The following CDS2 variants were observed in gnomAD, a reference collection of about 807,000 sequenced individuals.
CDS2 encodes phosphatidate cytidylyltransferase 2.
Under a neutral mutation model 59.0 loss-of-function variants are expected in CDS2, and 47 were observed. The ratio of observed to expected loss-of-function variants is 0.80; its 90% CI spans 0.63 to 1.02. CDS2 has a LOEUF of 1.02. CDS2 is among the 50% of genes least tolerant of loss of function. The probability of loss-of-function intolerance (pLI) is 0.00; values close to 1 mark genes in which losing one functional copy is unlikely to be tolerated. For missense variants in CDS2, 356 were observed against 558.9 expected, an observed-to-expected ratio of 0.64 and a Z score of 3.66; for synonymous variants, 207 against 206.4, an observed-to-expected ratio of 1.00 and a Z score of -0.02.
At position 5,135,178 on chromosome 20, in the gene CDS2, C is replaced by T. The variant is rs568226732; in HGVS notation, c.57+8029C>T. ...AACTCCTGGGTTCAAGCGATCTTCT[C>T]GCCTCGGCCTCTCAAAGGGCTGGTA... On this transcript the variant is annotated intron_variant, in intron 1 of 12. Coordinates refer to ENST00000460006, the MANE Select transcript of CDS2 (RefSeq NM_003818.4). 2.8e-4 allele frequency among the ~76,000 whole-genome samples: 42 copies of T among 152,196 alleles called. No individual in the cohort carries two copies. The East Asian group carries it at 3.9e-3, about 14-fold the overall frequency.
chr20:5,161,821 C>G (rs1292857845), intron 1 of CDS2, among the ~76,000 whole-genome samples: 1 of 152,108 alleles, frequency 6.6e-6, no homozygotes, highest in Non-Finnish European at 1.5e-5. Flanking sequence ...TCTTTTTTGT[C>G]TCCTTACTGT....
chr20:5,140,790 G>A (rs1258482610), intron 1 of CDS2, among the ~76,000 whole-genome samples: 1 of 152,186 alleles, frequency 6.6e-6, no homozygotes, highest in East Asian at 1.9e-4. Context: ...CAAATACTAT[G>A]TACCTCCTGA....
chr20:5,130,698 G>A (rs1031951250), intron 1 of CDS2, among the ~76,000 whole-genome samples: 61 of 151,450 alleles, frequency 4.0e-4, no homozygotes, highest in African/African-American at 1.3e-3. Flanking sequence ...CAGGAGAATC[G>A]CTTGAACTTG....
At chr20:5,175,860 A>G (rs556009956) in intron 3 of CDS2, among the ~76,000 whole-genome samples, 2 of 152,186 alleles carry the variant, frequency 1.3e-5, no homozygotes, top group Non-Finnish European at 2.9e-5. Context: ...GCATGTCTCT[A>G]TATGACTCCT....
chr20:5,193,426 C>T lies in CDS2; in HGVS notation c.*3192C>T, dbSNP rs2091133506. On this transcript the variant is annotated 3_prime_UTR_variant, in exon 13 of 13. Transcript: ENST00000460006. ...GACTTTACACAGGTGGACTTTGAAT[C>T]CATTTTTATAGAATTTTTTTCCACT... The T allele has an allele frequency of 6.6e-6, 1 of 152,188 alleles. No individual in the cohort carries two copies. Among genetic ancestry groups the T allele is most frequent in the Non-Finnish European group, 1.5e-5 (1 of 68,014 alleles). The allele number at this position is 152,188 out of a possible 1,614,324, so 9.4% of individuals were successfully genotyped here.
In CDS2 at chr20:5,197,790, G is replaced by T. The variant is rs1236775143; in HGVS notation, c.*7556G>T. On this transcript the variant is annotated 3_prime_UTR_variant, in exon 13 of 13. Coordinates refer to ENST00000460006, the MANE Select transcript of CDS2 (RefSeq NM_003818.4). ...CAATACATGTAGGTTCTTTTTCCAC[G>T]CAATGTAAGAACATGATATACTGTA... 6.6e-6 allele frequency: 1 copy of T among 152,070 alleles called. No individual in the cohort carries two copies. Among genetic ancestry groups the T allele is most frequent in the Non-Finnish European group, 1.5e-5 (1 of 68,022 alleles). 9.4% of individuals were successfully genotyped at this position (152,070 alleles called of 1,614,324 possible).
At chr20:5,168,468 T>C (rs1600498711) in intron 1 of CDS2, 3 of 309,592 alleles carry the variant, frequency 9.7e-6, no homozygotes, top group Non-Finnish European at 1.9e-5. Context: ...GGGTATAGGG[T>C]AGGATAGGTT....
At chr20:5,131,936 T>C (rs1187001967) in intron 1 of CDS2, among the ~76,000 whole-genome samples, 2 of 152,204 alleles carry the variant, frequency 1.3e-5, no homozygotes, top group Non-Finnish European at 2.9e-5. Flanking sequence ...TTAAAATAGA[T>C]TTTTATAGAA....
chr20:5,127,382 C>T (rs2090563026), intron 1 of CDS2, among the ~76,000 whole-genome samples: 1 of 152,036 alleles, frequency 6.6e-6, no homozygotes. Flanking sequence ...TCCCCCGGGG[C>T]GCAGGAAGGA....
intron 1 of CDS2, among the ~76,000 whole-genome samples, chr20:5,127,522 G>C (rs1222094230): frequency 1.3e-5 from 2 of 152,222 alleles, no homozygotes; most frequent in African/African-American, 4.8e-5. Flanking sequence ...CGGCTCCTCT[G>C]AGCGCAACTT....
chr20:5,134,025 A>T (rs2090628844), intron 1 of CDS2, among the ~76,000 whole-genome samples: 1 of 152,238 alleles, frequency 6.6e-6, no homozygotes, highest in Non-Finnish European at 1.5e-5. Flanking sequence ...GTCTCAGAGT[A>T]AATGTGGAGA....
rs2091143630 is a variant in CDS2 at position 5,194,678 on chromosome 20, G to C, written c.*4444G>C. The C allele has an allele frequency of 6.6e-6, 1 of 152,100 alleles. No homozygotes were observed. Among genetic ancestry groups the C allele is most frequent in the Admixed American group, 6.5e-5 (1 of 15,268 alleles). The allele number at this position is 152,100 out of a possible 1,614,324, so 9.4% of individuals were successfully genotyped here. On this transcript the variant is annotated 3_prime_UTR_variant, in exon 13 of 13. Coordinates refer to ENST00000460006, the MANE Select transcript of CDS2 (RefSeq NM_003818.4). ...ATGCGGATGATTTATGAGAATAGAG[G>C]GGCAGAGTTTGTGAAGTCTAGGGTT...
Position 5,184,819 on chromosome 20 carries a change from A to G in CDS2, c.672-39A>G. ...TTTTGTGTACTTTTGAGGTACTGTC[A>G]CCTTGCTTGAGTTGATCCTTACTTT... On this transcript the variant is annotated intron_variant, in intron 7 of 12. Transcript: ENST00000460006. This position sits in a 1 kb window ranked among gnomAD's most constrained non-coding sequence, Gnocchi z 4.3. 6.8e-7 allele frequency: 1 copy of G among 1,461,412 alleles called. No individual in the cohort carries two copies. Among genetic ancestry groups the G allele is most frequent in the East Asian group, 2.3e-5 (1 of 44,158 alleles). The allele number at this position is 1,461,412 out of a possible 1,614,324, so 90.5% of individuals were successfully genotyped here.
intron 1 of CDS2, among the ~76,000 whole-genome samples, chr20:5,172,385 C>T (rs1180471103): frequency 2.6e-5 from 4 of 152,116 alleles, no homozygotes; most frequent in African/African-American, 9.7e-5. Flanking sequence ...AAATCTGGAG[C>T]ACATAAACCA....
At chr20:5,136,840 C>T (rs568569254) in intron 1 of CDS2, among the ~76,000 whole-genome samples, 16 of 152,218 alleles carry the variant, frequency 1.1e-4, no homozygotes, top group South Asian at 4.1e-4. Context: ...GTTTGGTACA[C>T]GGGCAAATTG....
chr20:5,195,131 G>T lies in CDS2; in HGVS notation c.*4897G>T, dbSNP rs1450635193. 6.6e-6 allele frequency: 1 copy of T among 152,186 alleles called. No individual in the cohort carries two copies. Among genetic ancestry groups the T allele is most frequent in the African/African-American group, 2.4e-5 (1 of 41,416 alleles). The allele number at this position is 152,186 out of a possible 1,614,324, so 9.4% of individuals were successfully genotyped here. ...ATAGTACCTTCTTCCTGGGGTGGTT[G>T]TGAGGATATAACGAGGTAATGCATG... On this transcript the variant is annotated 3_prime_UTR_variant, in exon 13 of 13. Coordinates refer to ENST00000460006, the MANE Select transcript of CDS2 (RefSeq NM_003818.4).
chr20:5,184,653 T>C lies in CDS2; in HGVS notation c.672-205T>C, dbSNP rs1412616069. Among the ~76,000 whole-genome samples the C allele has an allele frequency of 6.6e-6, 1 of 152,230 alleles. No individual in the cohort carries two copies. The highest frequency in any genetic ancestry group is 1.5e-5 in the Non-Finnish European group (1 of 68,044). On this transcript the variant is annotated intron_variant, in intron 7 of 12. Transcript: ENST00000460006. The surrounding 1 kb of genome is among the most constrained non-coding windows in gnomAD (Gnocchi z 4.3). ...GCAACCTCCACTTATTCAGTAGTCA[T>C]TCAGTAAACACTTGAATATGTACTC...
chr20:5,189,276 G>A, intron 11 of CDS2, 90 bp downstream of exon 11: 1 of 1,447,000 alleles, frequency 6.9e-7, no homozygotes, highest in South Asian at 1.2e-5. Context: ...AAAATACTAG[G>A]CTGTACACCC....
chr20:5,140,081 C>T (rs1051720369), intron 1 of CDS2, among the ~76,000 whole-genome samples: 8 of 152,290 alleles, frequency 5.3e-5, no homozygotes, highest in South Asian at 2.1e-4. Flanking sequence ...GGATTACAGG[C>T]GTGAACCGCT....
Sources: gnomAD v4.1 joint callset for allele counts (sites outside exome capture counted in the v4.1 genomes callset) on GRCh38, gnomAD v4.1.1 for gene constraint, Gnocchi (gnomAD v3.1) non-coding constraint, MANE v1.5 for transcripts, NCBI Gene and HGNC (gene_info 2026-07-23, HGNC 2026-07-21) for gene names.